INPP4A: variants seen among roughly 807,000 people sequenced by gnomAD.
INPP4A encodes the protein inositol polyphosphate-4-phosphatase, type I, 107kD.
A neutral mutation model predicts 119.8 loss-of-function variants in INPP4A; 33 were observed. The observed-to-expected ratio is 0.28, with a 90% CI of 0.21 to 0.37. INPP4A has a LOEUF of 0.37. INPP4A is among the 10% of genes least tolerant of loss of function. The probability of loss-of-function intolerance (pLI) is 1.00; values close to 1 mark genes in which losing one functional copy is unlikely to be tolerated. For synonymous variants in INPP4A, 496 were observed against 500.7 expected (o/e 0.99, Z 0.12); for missense variants, 956 against 1,289.9 (o/e 0.74, Z 3.97).
At chr2:98,515,522 A>G (rs1685947224) in intron 1 of INPP4A, among the ~76,000 whole-genome samples, 1 of 152,168 alleles carries the variant, frequency 6.6e-6, no homozygotes, top group African/African-American at 2.4e-5. Context: ...TTGGGTTGAT[A>G]ACGATAGTTC....
At chr2:98,541,419 C>T (rs1691434904) in intron 10 of INPP4A, among the ~76,000 whole-genome samples, 1 of 151,508 alleles carries the variant, frequency 6.6e-6, no homozygotes. Flanking sequence ...CAATTGCTTT[C>T]TCTATATATG....
intron 4 of INPP4A, among the ~76,000 whole-genome samples, chr2:98,523,737 A>C (rs553333806): frequency 1.4e-4 from 22 of 152,324 alleles, no homozygotes; most frequent in African/African-American, 5.3e-4. Flanking sequence ...TGGATTATTG[A>C]ATGGACAAAT....
chr2:98,469,673 G>A (rs1011221989), intron 1 of INPP4A, among the ~76,000 whole-genome samples: 7 of 151,094 alleles, frequency 4.6e-5, no homozygotes, highest in African/African-American at 1.2e-4. Flanking sequence ...GCGTTGGGGC[G>A]CATCCCTGTA....
At chr2:98,552,494 A>G (rs1693710653) in intron 13 of INPP4A, 1 of 509,602 alleles carries the variant, frequency 2.0e-6, no homozygotes, top group Admixed American at 2.3e-5. Context: ...TGATTATGGG[A>G]TATGATTGTT....
At chr2:98,509,652 T>A (rs939347806) in intron 1 of INPP4A, among the ~76,000 whole-genome samples, 9 of 152,088 alleles carry the variant, frequency 5.9e-5, no homozygotes, top group Admixed American at 3.9e-4. Context: ...AGTCGGCAGA[T>A]CCCCGCCCAC....
rs573287614 is a variant in INPP4A at position 98,477,718 on chromosome 2, A to C, written c.-166+32633A>C. Among the ~76,000 whole-genome samples, 3 of 152,362 alleles carry C rather than the reference A, an allele frequency of 2.0e-5. No individual in the cohort carries two copies. The East Asian group carries it at 5.8e-4, about 29-fold the overall frequency. ...CCCAGAGTCCAGGAGTCTGATGAAC[A>C]GAGGCTTTCTCCCTCTACCTCACCC... is the stretch of plus-strand genomic sequence containing the variant. On this transcript the variant is annotated intron_variant, in intron 1 of 24. Transcript: ENST00000409851.
chr2:98,579,897 C>T (rs1699028234), intron 24 of INPP4A, among the ~76,000 whole-genome samples: 1 of 152,270 alleles, frequency 6.6e-6, no homozygotes, highest in Admixed American at 6.5e-5. Context: ...TCCTACTTTA[C>T]CTGTGCCTGC....
chr2:98,461,334 G>T (rs1697116234), intron 1 of INPP4A, among the ~76,000 whole-genome samples: 1 of 152,244 alleles, frequency 6.6e-6, no homozygotes, highest in Non-Finnish European at 1.5e-5. Context: ...CGGAGAGCAA[G>T]GGATGCTCAT....
At chr2:98,564,825 C>T in intron 19 of INPP4A, 62 bp downstream of exon 19, 1 of 1,499,014 alleles carries the variant, frequency 6.7e-7, no homozygotes, top group Non-Finnish European at 8.9e-7. Flanking sequence ...TCCTTTCTTG[C>T]TAGGCACTTT....
At chr2:98,539,002 G>C in intron 9 of INPP4A, 21 bp downstream of exon 9, 1 of 1,506,546 alleles carries the variant, frequency 6.6e-7, no homozygotes, top group Non-Finnish European at 9.2e-7. Flanking sequence ...TCCTCCTTTG[G>C]TATTCTTGCC....
At chr2:98,470,951 C>T (rs1278223641) in intron 1 of INPP4A, among the ~76,000 whole-genome samples, 1 of 152,188 alleles carries the variant, frequency 6.6e-6, no homozygotes, top group African/African-American at 2.4e-5. Flanking sequence ...CATGCGTGAG[C>T]CACCGCACCC....
At chr2:98,491,086 T>C (rs1680647737) in intron 1 of INPP4A, among the ~76,000 whole-genome samples, 1 of 152,234 alleles carries the variant, frequency 6.6e-6, no homozygotes, top group African/African-American at 2.4e-5. Flanking sequence ...AACAACAAGT[T>C]CTGCCTATGT....
At chr2:98,474,600 G>T (rs1340605751) in intron 1 of INPP4A, among the ~76,000 whole-genome samples, 1 of 152,176 alleles carries the variant, frequency 6.6e-6, no homozygotes, top group Non-Finnish European at 1.5e-5. Context: ...CAGGCTTCTG[G>T]CCCTAGCCCT....
At position 98,549,079 on chromosome 2, in the gene INPP4A, A is replaced by G. The variant is rs1035984449; in HGVS notation, c.1163+2385A>G. Reference sequence around the variant, plus strand: ...TGTGGGCTTCCCCTGCGGTGCTGCCATGGTTCCTAGTTATACACCTCATAA... The same window carrying G: ...TGTGGGCTTCCCCTGCGGTGCTGCCGTGGTTCCTAGTTATACACCTCATAA... On this transcript the variant is annotated intron_variant, in intron 13 of 24. Transcript: ENST00000409851. 4.1e-6 allele frequency: 4 copies of G among 965,396 alleles called. No individual in the cohort carries two copies. The African/African-American group carries it at 6.6e-5, about 16-fold the overall frequency. The allele number at this position is 965,396 out of a possible 1,614,324, so 59.8% of individuals were successfully genotyped here. A position where few individuals can be genotyped will look rare whatever the true frequency, so the allele number is the denominator to read the frequency against.
chr2:98,537,142 A>G (rs1416762098), intron 7 of INPP4A, among the ~76,000 whole-genome samples: 1 of 152,268 alleles, frequency 6.6e-6, no homozygotes, highest in East Asian at 1.9e-4. Context: ...CTTCACAGGC[A>G]CGAGGACAGG....
intron 11 of INPP4A, 33 bp downstream of exon 11, chr2:98,544,040 C>T (rs374475111): frequency 4.2e-5 from 64 of 1,530,866 alleles, no homozygotes; most frequent in East Asian, 2.0e-4. Flanking sequence ...ACCACACACG[C>T]GTGCGCACAC....
At chr2:98,541,490 AT>A (rs1172799924) in intron 10 of INPP4A, among the ~76,000 whole-genome samples, 1 of 152,228 alleles carries the variant, frequency 6.6e-6, no homozygotes, top group Non-Finnish European at 1.5e-5. Context: ...ATTTGTGTAT[AT>A]TTACACAGTG....
intron 7 of INPP4A, among the ~76,000 whole-genome samples, 184 bp from the exon 8 acceptor site, chr2:98,537,679 G>A (rs1224778881): frequency 6.6e-6 from 1 of 152,188 alleles, no homozygotes; most frequent in Non-Finnish European, 1.5e-5. Context: ...TGTGCCCCAT[G>A]GTTTCCTTGT....
intron 24 of INPP4A, among the ~76,000 whole-genome samples, chr2:98,580,985 C>A (rs1451758539): frequency 6.6e-6 from 1 of 152,254 alleles, no homozygotes; most frequent in Non-Finnish European, 1.5e-5. Flanking sequence ...CTCATGCCTG[C>A]CACTGCTGAG....
Sources: gnomAD v4.1 joint callset for allele counts (sites outside exome capture counted in the v4.1 genomes callset) on GRCh38, gnomAD v4.1.1 for gene constraint, MANE v1.5 for transcripts, NCBI Gene and HGNC (gene_info 2026-07-23, HGNC 2026-07-21) for gene names.